The following SNX9 variants were observed in gnomAD, a reference collection of about 807,000 sequenced individuals.
SNX9 encodes the protein sorting nexin-9.
In SNX9, 44 loss-of-function variants were observed where a neutral mutation model predicts 89.4. The observed-to-expected ratio is 0.49, with a 90% CI of 0.39 to 0.63. The LOEUF is 0.63. Ranked by LOEUF, SNX9 falls within the 30% of genes least tolerant of loss-of-function variation. The pLI, the probability that SNX9 is intolerant of heterozygous loss-of-function variation, is 0.00. For synonymous variants in SNX9, 236 were observed against 247.8 expected (o/e 0.95, Z 0.45); for missense variants, 578 against 736.1 (o/e 0.79, Z 2.49).
At position 157,909,449 on chromosome 6, in the gene SNX9, C is replaced by T. The variant is rs114589072; in HGVS notation, c.706-216C>T. Among the ~76,000 whole-genome samples the T allele has an allele frequency of 4.5e-3, 680 of 152,256 alleles. 6 individuals carry two copies. Among genetic ancestry groups the T allele is most frequent in the African/African-American group, 0.016 (650 of 41,568 alleles). ...TCCTCTCCATGGGCTGAGCTACTCA[C>T]GTGGGAGCAGAAGGGTTTCCCACAG... is the stretch of plus-strand genomic sequence containing the variant. On this transcript the variant is annotated intron_variant, in intron 7 of 17. Transcript: ENST00000392185.
At chr6:157,848,828 A>C (rs1222988158) in intron 1 of SNX9, among the ~76,000 whole-genome samples, 2 of 152,226 alleles carry the variant, frequency 1.3e-5, no homozygotes, top group African/African-American at 4.8e-5. Context: ...GGAGGGATAG[A>C]TACGTAACCG....
chr6:157,881,190 T>G (rs1218702510), intron 4 of SNX9, among the ~76,000 whole-genome samples: 1 of 152,250 alleles, frequency 6.6e-6, no homozygotes, highest in East Asian at 1.9e-4. Flanking sequence ...TTGTTAATTC[T>G]TGCAATGTTT....
intron 4 of SNX9, among the ~76,000 whole-genome samples, chr6:157,879,241 G>A (rs796265481): frequency 5.3e-5 from 8 of 152,348 alleles, no homozygotes; most frequent in East Asian, 1.9e-4. Context: ...GCAGAAAACC[G>A]GAATGTAAAT....
intron 9 of SNX9, among the ~76,000 whole-genome samples, chr6:157,915,085 G>A (rs1783433568): frequency 6.6e-6 from 1 of 151,964 alleles, no homozygotes; most frequent in Non-Finnish European, 1.5e-5. Context: ...ATGTTTGTAA[G>A]AGAAAAAAAA....
intron 16 of SNX9, among the ~76,000 whole-genome samples, chr6:157,939,659 G>A (rs2364349): frequency 0.16 from 24,385 of 152,076 alleles, 2,053 homozygotes; most frequent in Non-Finnish European, 0.18. Flanking sequence ...GGATGAGGGA[G>A]GTGTCCAGAG....
At chr6:157,919,816 A>T (rs1006676189) in intron 9 of SNX9, among the ~76,000 whole-genome samples, 1 of 151,962 alleles carries the variant, frequency 6.6e-6, no homozygotes, top group Non-Finnish European at 1.5e-5. Context: ...AAAACTGGAC[A>T]TTTTTGAGAA....
At chr6:157,935,845 T>C in intron 13 of SNX9, 119 bp from the exon 14 acceptor site, 1 of 727,458 alleles carries the variant, frequency 1.4e-6, no homozygotes, top group South Asian at 2.5e-5. Flanking sequence ...CCCAATAGTT[T>C]TGAAAATGTT....
intron 1 of SNX9, among the ~76,000 whole-genome samples, chr6:157,843,308 C>T (rs560114261): frequency 1.4e-4 from 21 of 152,258 alleles, no homozygotes; most frequent in Admixed American, 1.2e-3. Context: ...GTATAACTTT[C>T]GACTCCCCCA....
intron 13 of SNX9, among the ~76,000 whole-genome samples, chr6:157,933,986 T>C (rs11755474): frequency 0.023 from 3,455 of 152,376 alleles, 61 homozygotes; most frequent in Non-Finnish European, 0.038. Flanking sequence ...AAGTTCCTGT[T>C]GACTGGCTTT....
At chr6:157,933,049 A>T (rs772458178) in intron 13 of SNX9, among the ~76,000 whole-genome samples, 78 of 152,056 alleles carry the variant, frequency 5.1e-4, no homozygotes, top group Non-Finnish European at 8.7e-4. Flanking sequence ...GGCAGCACTT[A>T]TGAGAGCAAG....
intron 1 of SNX9, among the ~76,000 whole-genome samples, chr6:157,825,493 C>T (rs2490567): frequency 1 from 151,980 of 152,312 alleles, 75,824 homozygotes; most frequent in Middle Eastern, 1. Flanking sequence ...ATATTAATCT[C>T]GAATTGCATG....
intron 1 of SNX9, among the ~76,000 whole-genome samples, chr6:157,859,504 T>C (rs960085971): frequency 6.6e-6 from 1 of 152,258 alleles, no homozygotes; most frequent in African/African-American, 2.4e-5. Context: ...GTAGAAGCTA[T>C]ATTGGGGTAG....
intron 12 of SNX9, among the ~76,000 whole-genome samples, chr6:157,930,726 G>A (rs1783794846): frequency 6.6e-6 from 1 of 152,128 alleles, no homozygotes; most frequent in Admixed American, 6.5e-5. Context: ...CCGACCCACT[G>A]TCTATCTGTG....
At chr6:157,827,946 G>T (rs989455922) in intron 1 of SNX9, among the ~76,000 whole-genome samples, 1 of 151,538 alleles carries the variant, frequency 6.6e-6, no homozygotes, top group Non-Finnish European at 1.5e-5. Context: ...AATTAAGTGG[G>T]TATGGAATGT....
chr6:157,850,240 AG>A (rs1306443432), intron 1 of SNX9, among the ~76,000 whole-genome samples: 1 of 152,214 alleles, frequency 6.6e-6, no homozygotes, highest in Non-Finnish European at 1.5e-5. Context: ...ATCCTTGGCC[AG>A]AGCTGTTTCA....
intron 2 of SNX9, among the ~76,000 whole-genome samples, chr6:157,870,147 ACCCCT>A (rs1477131064): frequency 1.3e-5 from 2 of 148,584 alleles, no homozygotes; most frequent in Non-Finnish European, 3.0e-5. Context: ...GAGCACACAC[ACCCCT>A]CACTCACCTG....
chr6:157,932,737 CA>C (rs1396529959), intron 13 of SNX9, among the ~76,000 whole-genome samples: 1 of 151,490 alleles, frequency 6.6e-6, no homozygotes, highest in Non-Finnish European at 1.5e-5. Flanking sequence ...TGTGGTGGTG[CA>C]TACAGGTAGT....
chr6:157,893,802 A>T (rs1349096647), intron 4 of SNX9, among the ~76,000 whole-genome samples: 4 of 152,206 alleles, frequency 2.6e-5, no homozygotes, highest in Non-Finnish European at 5.9e-5. Context: ...CTAATGTGAA[A>T]GTTCAGATTG....
At chr6:157,840,411 C>CTTTCTTTCTTTCCTTTCT (rs1554291565) in intron 1 of SNX9, among the ~76,000 whole-genome samples, 10 of 119,552 alleles carry the variant, frequency 8.4e-5, no homozygotes, top group African/African-American at 2.4e-4. Context: ...AAAATACTTT[C>CTTTCTTTCTTTCCTTTCT]TTTCTTTCTT....
Sources: allele counts gnomAD v4.1 joint callset (sites outside exome capture counted in the v4.1 genomes callset), GRCh38; gene constraint gnomAD v4.1.1; transcripts MANE v1.5; gene names NCBI Gene and HGNC (gene_info 2026-07-23, HGNC 2026-07-21).